CNIH1: variants seen among roughly 807,000 people sequenced by gnomAD.
The protein encoded by CNIH1 is protein cornichon homolog 1.
Under a neutral mutation model 20.2 loss-of-function variants are expected in CNIH1, and 12 were observed. That is an observed-to-expected ratio of 0.59 (90% CI 0.38 to 0.96). The LOEUF (loss-of-function observed/expected upper bound fraction) is 0.96, where lower values mean the gene tolerates loss of function less well. Among genes scored for constraint, CNIH1 ranks in the 40% least tolerant of loss-of-function variants. The probability of loss-of-function intolerance (pLI) is 0.00; values close to 1 mark genes in which losing one functional copy is unlikely to be tolerated. For synonymous variants in CNIH1, 69 were observed against 63.3 expected (o/e 1.09, Z -0.43); for missense variants, 152 against 178.8 (o/e 0.85, Z 0.85).
At chr14:54,430,540 GCTTT>G in intron 3 of CNIH1, 136 bp from the exon 4 acceptor site, 1 of 772,174 alleles carries the variant, frequency 1.3e-6, no homozygotes, top group Non-Finnish European at 2.0e-6. Flanking sequence ...TGGGTAAAAT[GCTTT>G]CCTTTTACCA....
intron 3 of CNIH1, 123 bp from the exon 4 acceptor site, chr14:54,430,527 T>C: frequency 2.2e-6 from 2 of 894,096 alleles, no homozygotes; most frequent in Non-Finnish European, 3.3e-6. Context: ...ATTCTTTTAC[T>C]TATGGGTAAA....
rs2139997342 is a variant in CNIH1 at position 54,425,747 on chromosome 14, T to C, written c.*2067A>G. 6.6e-6 allele frequency: 1 copy of C among 152,338 alleles called. No homozygotes were observed. Among genetic ancestry groups the C allele is most frequent in the Admixed American group, 6.5e-5 (1 of 15,298 alleles). The allele number at this position is 152,338 out of a possible 1,614,324, so 9.4% of individuals were successfully genotyped here. On this transcript the variant is annotated 3_prime_UTR_variant, in exon 5 of 5. Coordinates refer to ENST00000216416, the MANE Select transcript of CNIH1 (RefSeq NM_005776.3). ...GGTGAAACTCCCTGTCAATCATCTT[T>C]GAGGAATCAGCTGAAGACTACATAT... is the stretch of plus-strand genomic sequence containing the variant.
At chr14:54,437,423 T>C (rs777813201) in intron 1 of CNIH1, among the ~76,000 whole-genome samples, 2 of 151,262 alleles carry the variant, frequency 1.3e-5, no homozygotes, top group African/African-American at 4.9e-5. Flanking sequence ...TGTTAAAATT[T>C]AGATTCATAA....
rs1712287615 is a variant in CNIH1, at chr14:54,423,572, C to T, written c.*4242G>A. The T allele has an allele frequency of 6.6e-6, 1 of 152,144 alleles. No homozygotes were observed. The highest frequency in any genetic ancestry group is 2.4e-5 in the African/African-American group (1 of 41,446). The allele number at this position is 152,144 out of a possible 1,614,324, so 9.4% of individuals were successfully genotyped here. A position where few individuals can be genotyped will look rare whatever the true frequency, so the allele number is the denominator to read the frequency against. On this transcript the variant is annotated 3_prime_UTR_variant, in exon 5 of 5. Transcript: ENST00000216416. The stretch of plus-strand genomic sequence containing the variant: ...AAACTACACAAGGAAACATTTAAGA[C>T]AGCTTTTATTAAATACAAAAGCAAA...
Sources: gnomAD v4.1 joint callset for allele counts (sites outside exome capture counted in the v4.1 genomes callset) on GRCh38, gnomAD v4.1.1 for gene constraint, MANE v1.5 for transcripts, NCBI Gene and HGNC (gene_info 2026-07-23, HGNC 2026-07-21) for gene names.